Variants in DMBT1 observed in about 807,000 individuals in gnomAD.
DMBT1 encodes the protein deleted in malignant brain tumors 1, also known as scavenger receptor cysteine-rich domain-containing protein DMBT1.
DMBT1 carries 198 observed loss-of-function variants against 252.9 expected under a neutral mutation model. The observed-to-expected ratio is 0.78, with a 90% CI of 0.70 to 0.88. The LOEUF (loss-of-function observed/expected upper bound fraction) is 0.88, where lower values mean the gene tolerates loss of function less well. Among genes scored for constraint, DMBT1 ranks in the 40% least tolerant of loss-of-function variants. The probability of loss-of-function intolerance (pLI) is 0.00; values close to 1 mark genes in which losing one functional copy is unlikely to be tolerated. For missense variants in DMBT1, 2,432 were observed against 2,404.7 expected, an observed-to-expected ratio of 1.01 and a Z score of -0.24; for synonymous variants, 990 against 942.7, an observed-to-expected ratio of 1.05 and a Z score of -0.92.
chr10:122,572,504 C>A, intron 5 of DMBT1, 143 bp downstream of exon 5: 1 of 1,172,096 alleles, frequency 8.5e-7, no homozygotes, highest in Non-Finnish European at 1.3e-6. Context: ...TCACCTTGTG[C>A]TGTGTATGTG....
At position 122,637,290 on chromosome 10, in the gene DMBT1, C is replaced by T; in HGVS notation, c.6920C>T (p.Ser2307Leu). ...CTGGTGATATTCACAATTCCCTACT[C>T]AGGCTGCGGCACCTTCAAGCAGGTA... is the stretch of plus-strand genomic sequence containing the variant. ...PNLVIFTIPY[S>L]GCGTFKQADN... The change falls in exon 54 of 56, where the codon TCA becomes TTA. Residue 2307 changes from serine (S) to leucine (L), a missense_variant. By Grantham distance (145) the Ser-to-Leu change is moderately radical. Transcript: ENST00000338354. 1 of 1,611,168 alleles carries T rather than the reference C, an allele frequency of 6.2e-7. No homozygotes were observed. Among genetic ancestry groups the T allele is most frequent in the Non-Finnish European group, 8.5e-7 (1 of 1,178,394 alleles).
At chr10:122,563,454 T>C (rs185694203) in intron 1 of DMBT1, among the ~76,000 whole-genome samples, 1 of 152,206 alleles carries the variant, frequency 6.6e-6, no homozygotes. Flanking sequence ...AGATAAAGCC[T>C]GGAGTAAACT....
Position 122,635,993 on chromosome 10 carries a change from T to G in DMBT1, c.6551T>G (p.Leu2184Arg), listed in dbSNP as rs2098224083. ...AATGGTGTGTCCTCTCTCTGCAGGC[T>G]TGAAGGTGGCTGCAACTATGATTAT... is the stretch of plus-strand genomic sequence containing the variant. ...RVTVIFRDVQ[L>R]EGGCNYDYIE... The change falls in exon 53 of 56, where the codon CTT becomes CGT. Residue 2184 changes from leucine (L) to arginine (R), a missense_variant and splice_region_variant. By Grantham distance (102) the Leu-to-Arg change is moderately radical (BLOSUM62 -2). This residue lies in a region of DMBT1 where 1,162 missense variants were observed against 1,169.0 expected (regional missense o/e 0.99). Transcript: ENST00000338354. 3 of 1,613,950 alleles carry G rather than the reference T, an allele frequency of 1.9e-6. No homozygotes were observed. Among genetic ancestry groups the G allele is most frequent in the Non-Finnish European group, 2.5e-6 (3 of 1,179,886 alleles).
chr10:122,586,885 T>G (rs1201506067), intron 16 of DMBT1, among the ~76,000 whole-genome samples: 2 of 147,696 alleles, frequency 1.4e-5, no homozygotes, highest in African/African-American at 4.9e-5. Flanking sequence ...CAGAAGAAGA[T>G]GGGGAGGTGG....
Position 122,565,956 on chromosome 10 carries a change from G to A in DMBT1, c.62-11G>A, listed in dbSNP as rs753232550. ...AACAGTGTTTCTAAGACGAATTTGT[G>A]TTCTTTCCAGGTGGGTGGATCCCAA... On this transcript the variant is annotated splice_polypyrimidine_tract_variant and intron_variant, in intron 1 of 55. Coordinates refer to ENST00000338354, the MANE Select transcript of DMBT1 (RefSeq NM_001377530.1). 7 of 1,613,772 alleles carry A rather than the reference G, an allele frequency of 4.3e-6. No individual in the cohort carries two copies. The highest frequency in any genetic ancestry group is 5.9e-6 in the Non-Finnish European group (7 of 1,179,718).
chr10:122,598,025 C>G lies in DMBT1; in HGVS notation c.2956+13C>G. 2.5e-6 allele frequency: 4 copies of G among 1,613,886 alleles called. No individual in the cohort carries two copies. Among genetic ancestry groups the G allele is most frequent in the Non-Finnish European group, 3.4e-6 (4 of 1,179,832 alleles). On this transcript the variant is annotated intron_variant, in intron 25 of 55. Coordinates refer to ENST00000338354, the MANE Select transcript of DMBT1 (RefSeq NM_001377530.1). ...GCATCGACAGTAGGTAAATATTCCT[C>G]TCGCCCCTCCCTAGGGCTCACTCTC...
chr10:122,641,465 C>T (rs75964629), intron 55 of DMBT1, among the ~76,000 whole-genome samples: 5,923 of 152,244 alleles, frequency 0.039, 163 homozygotes, highest in South Asian at 0.13. Flanking sequence ...ATATGCTAAA[C>T]GTAGCACCTC....
At chr10:122,564,591 T>C (rs1188096938) in intron 1 of DMBT1, among the ~76,000 whole-genome samples, 2 of 151,738 alleles carry the variant, frequency 1.3e-5, no homozygotes, top group African/African-American at 4.8e-5. Flanking sequence ...TACATTTTGG[T>C]ATATAAACAT....
chr10:122,620,088 T>C (rs978756756), intron 42 of DMBT1, among the ~76,000 whole-genome samples, 165 bp from the exon 43 acceptor site: 1 of 152,188 alleles, frequency 6.6e-6, no homozygotes, highest in African/African-American at 2.4e-5. Context: ...AGGCCTTTGT[T>C]CCTGGCTGTG....
Position 122,633,232 on chromosome 10 carries a change from G to A in DMBT1, c.6439G>A (p.Asp2147Asn), listed in dbSNP as rs79160954. 1.9e-6 allele frequency: 3 copies of A among 1,614,006 alleles called. No individual in the cohort carries two copies. Among genetic ancestry groups the A allele is most frequent in the East Asian group, 4.5e-5 (2 of 44,870 alleles). ...CGGFLSQPSG[D>N]FSSPFYPGNY... ...AGGCTTCCTATCCCAACCATCAGGG[G>A]ACTTTTCCAGCCCATTCTATCCCGG... The change falls in exon 52 of 56, where the codon GAC (aspartate) becomes AAC (asparagine). Residue 2147 changes from aspartate to asparagine, a missense_variant. Physicochemically the swap from Asp to Asn is conservative, Grantham distance 23. Transcript: ENST00000338354.
In DMBT1 at chr10:122,600,080, A is replaced by G. The variant is rs200371703; in HGVS notation, c.3297A>G (p.Pro1099=). 8.0e-5 allele frequency: 128 copies of G among 1,604,984 alleles called. 13 individuals are homozygous for G. In the African/African-American group the frequency reaches 1.1e-3, roughly 14 times the overall value. ...GVICSASQSR[P]TPSPDTWPTS... is the part of the protein sequence containing the mutation. ...TTCTCACAGCTTCCCAGTCCCGGCC[A>G]ACACCTAGTCCAGGTGGGTCCCCAG... The change falls in exon 27 of 56, where the codon CCA becomes CCG. Residue 1099 remains proline (P), a synonymous_variant. Coordinates refer to ENST00000338354, the MANE Select transcript of DMBT1 (RefSeq NM_001377530.1).
rs2097845152 is a variant in DMBT1 at position 122,590,975 on chromosome 10, G to C, written c.2137+281G>C. 1.3e-5 allele frequency among the ~76,000 whole-genome samples: 2 copies of C among 148,516 alleles called. 1 individual carries two copies. The highest frequency in any genetic ancestry group is 4.6e-4 in the South Asian group (2 of 4,362). On this transcript the variant is annotated intron_variant, in intron 18 of 55. Transcript: ENST00000338354. ...TCCATGGGCAAGAATGTCAGTGCAG[G>C]CCTGATACCTCCATTCCTCACTCCT...
In DMBT1 at chr10:122,593,577, T is replaced by C. The variant is rs759353717; in HGVS notation, c.2509T>C (p.Ser837Pro). 6.3e-7 allele frequency: 1 copy of C among 1,587,380 alleles called. No homozygotes were observed. Among genetic ancestry groups the C allele is most frequent in the African/African-American group, 1.3e-5 (1 of 74,352 alleles). The stretch of plus-strand genomic sequence containing the variant: ...TCTTCTCTTTCTCACAGTTTCCCAG[T>C]CCCGGCCGACACCCAGTCCAGGTAG... ...DAGVICSVSQ[S>P]RPTPSPDTWP... The change falls in exon 21 of 56, where the codon TCC becomes CCC. Residue 837 changes from serine (S) to proline (P), a missense_variant. By Grantham distance (74) the Ser-to-Pro change is moderately conservative. Transcript: ENST00000338354.
intron 2 of DMBT1, 113 bp from the exon 3 acceptor site, chr10:122,570,048 AG>A: frequency 1.0e-6 from 1 of 968,016 alleles, no homozygotes. Context: ...TTAGCAATGG[AG>A]GGTGCCCTTA....
intron 44 of DMBT1, among the ~76,000 whole-genome samples, chr10:122,622,305 C>T (rs1002966999): frequency 1.4e-4 from 21 of 152,160 alleles, no homozygotes; most frequent in African/African-American, 5.1e-4. Flanking sequence ...TACCAGTTGT[C>T]AATTGATCTT....
intron 46 of DMBT1, among the ~76,000 whole-genome samples, chr10:122,628,134 G>A (rs1008442679): frequency 6.6e-6 from 1 of 152,196 alleles, no homozygotes; most frequent in African/African-American, 2.4e-5. Flanking sequence ...GTTAGACCTG[G>A]AGTCACCATA....
chr10:122,585,397 T>C, intron 15 of DMBT1, 88 bp downstream of exon 15: 1 of 1,469,930 alleles, frequency 6.8e-7, no homozygotes, highest in Non-Finnish European at 9.3e-7. Context: ...AGGGTCAAGG[T>C]GGGCCCCTCT....
chr10:122,625,997 G>A (rs2098116346), intron 46 of DMBT1, 32 bp downstream of exon 46: 2 of 1,584,732 alleles, frequency 1.3e-6, no homozygotes, highest in Admixed American at 3.3e-5. Flanking sequence ...TGAACCATAG[G>A]TCATACATTT....
chr10:122,627,811 C>A (rs977575738), intron 46 of DMBT1, among the ~76,000 whole-genome samples: 3 of 152,252 alleles, frequency 2.0e-5, no homozygotes, highest in Admixed American at 1.3e-4. Flanking sequence ...GGACTTGTAT[C>A]TAGGATATAT....
Sources: allele counts gnomAD v4.1 joint callset (sites outside exome capture counted in the v4.1 genomes callset), GRCh38; gene constraint gnomAD v4.1.1; regional missense constraint gnomAD v4.1.1; transcripts MANE v1.5; gene names NCBI Gene and HGNC (gene_info 2026-07-23, HGNC 2026-07-21).